Variants in TANGO6 observed in about 807,000 individuals in gnomAD.
The protein encoded by TANGO6 is transport and golgi organization 6 homolog.
A neutral mutation model predicts 114.2 loss-of-function variants in TANGO6; 90 were observed. The ratio of observed to expected loss-of-function variants is 0.79; its 90% CI spans 0.66 to 0.94. The LOEUF (loss-of-function observed/expected upper bound fraction) is 0.94, where lower values mean the gene tolerates loss of function less well. Among genes scored for constraint, TANGO6 ranks in the 40% least tolerant of loss-of-function variants. The pLI, the probability that TANGO6 is intolerant of heterozygous loss-of-function variation, is 0.00. For synonymous variants in TANGO6, 477 were observed against 509.8 expected (o/e 0.94, Z 0.87); for missense variants, 1,274 against 1,315.3 (o/e 0.97, Z 0.49).
intron 15 of TANGO6, among the ~76,000 whole-genome samples, chr16:68,988,202 A>G (rs962026668): frequency 6.6e-6 from 1 of 152,014 alleles, no homozygotes; most frequent in Non-Finnish European, 1.5e-5. Flanking sequence ...CATCCCCAAC[A>G]TTCCTTTATC....
At chr16:68,945,674 C>A (rs1217801442) in intron 14 of TANGO6, among the ~76,000 whole-genome samples, 1 of 150,928 alleles carries the variant, frequency 6.6e-6, no homozygotes, top group African/African-American at 2.4e-5. Flanking sequence ...AGAGAAGTGT[C>A]TATTCAGATT....
Position 69,083,712 on chromosome 16 carries a change from C to T in TANGO6, c.*51C>T, listed in dbSNP as rs377454356. 2.0e-5 allele frequency: 30 copies of T among 1,519,896 alleles called. No individual in the cohort carries two copies. Among genetic ancestry groups the T allele is most frequent in the East Asian group, 2.5e-5 (1 of 40,744 alleles). 94.2% of individuals were successfully genotyped at this position (1,519,896 alleles called of 1,614,324 possible). A position where few individuals can be genotyped will look rare whatever the true frequency, so the allele number is the denominator to read the frequency against. On this transcript the variant is annotated 3_prime_UTR_variant, in exon 18 of 18. Coordinates refer to ENST00000261778, the MANE Select transcript of TANGO6 (RefSeq NM_024562.2). The stretch of plus-strand genomic sequence containing the variant: ...GCAGGCAGGGCCAGGCACCCAGAGC[C>T]GTGCCCAGGTCTTCCAGCAGGTGGC...
intron 16 of TANGO6, among the ~76,000 whole-genome samples, chr16:69,029,658 G>A (rs532104633): frequency 5.3e-5 from 8 of 152,236 alleles, no homozygotes; most frequent in African/African-American, 7.2e-5. Flanking sequence ...CGGTGGGGCC[G>A]TTGCAGTGCT....
intron 16 of TANGO6, chr16:69,035,087 G>A (rs1050387148): frequency 6.6e-6 from 1 of 152,044 alleles, no homozygotes; most frequent in Non-Finnish European, 1.5e-5. Flanking sequence ...ACATACCTGA[G>A]CTTTGGGGGC....
intron 17 of TANGO6, among the ~76,000 whole-genome samples, chr16:69,049,164 T>C (rs992040212): frequency 6.6e-6 from 1 of 152,182 alleles, no homozygotes; most frequent in Non-Finnish European, 1.5e-5. Context: ...AGTGGTGCAA[T>C]GCTCATCAAT....
chr16:68,906,709 A>G (rs1393615236), intron 9 of TANGO6, among the ~76,000 whole-genome samples: 1 of 151,624 alleles, frequency 6.6e-6, no homozygotes. Flanking sequence ...TCAGCCTCCT[A>G]GTGCACTACA....
At chr16:69,050,734 C>T (rs1336074249) in intron 17 of TANGO6, among the ~76,000 whole-genome samples, 3 of 152,088 alleles carry the variant, frequency 2.0e-5, no homozygotes, top group Admixed American at 6.6e-5. Context: ...ATGATCCACA[C>T]ACCTCGGCCT....
intron 17 of TANGO6, among the ~76,000 whole-genome samples, chr16:69,054,226 A>T (rs540262179): frequency 6.6e-6 from 1 of 152,240 alleles, no homozygotes; most frequent in South Asian, 2.1e-4. Context: ...CTGTGTCTCT[A>T]TCTAATGTCT....
chr16:69,022,725 A>T, intron 15 of TANGO6, 103 bp from the exon 16 acceptor site: 4 of 1,299,388 alleles, frequency 3.1e-6, no homozygotes, highest in South Asian at 1.5e-5. Flanking sequence ...AAAAACAAAA[A>T]GAATAAGACA....
intron 14 of TANGO6, among the ~76,000 whole-genome samples, chr16:68,963,745 A>C (rs1257334436): frequency 6.6e-6 from 1 of 152,232 alleles, no homozygotes; most frequent in African/African-American, 2.4e-5. Flanking sequence ...AGCCTAGTGC[A>C]GTCGTCAGCC....
At chr16:68,857,151 C>T (rs898646302) in intron 1 of TANGO6, among the ~76,000 whole-genome samples, 3 of 152,026 alleles carry the variant, frequency 2.0e-5, no homozygotes, top group Non-Finnish European at 4.4e-5. Context: ...TCCACATATT[C>T]TTTCCTGCCC....
chr16:69,005,641 A>G (rs910830923), intron 15 of TANGO6, among the ~76,000 whole-genome samples: 2 of 152,178 alleles, frequency 1.3e-5, no homozygotes, highest in Non-Finnish European at 2.9e-5. Context: ...TCTACTAAAA[A>G]TACCAAAAAT....
chr16:68,932,338 G>A (rs770719905), intron 14 of TANGO6, among the ~76,000 whole-genome samples: 7 of 149,696 alleles, frequency 4.7e-5, no homozygotes, highest in Admixed American at 6.6e-5. Context: ...TGATCCACCC[G>A]CCTCGGCCTC....
chr16:68,977,322 T>C (rs1963774341), intron 15 of TANGO6, among the ~76,000 whole-genome samples: 1 of 151,878 alleles, frequency 6.6e-6, no homozygotes, highest in Non-Finnish European at 1.5e-5. Flanking sequence ...GTTTTTTTTT[T>C]TCTTTTCTGA....
intron 14 of TANGO6, among the ~76,000 whole-genome samples, chr16:68,970,553 G>C (rs1157969648): frequency 2.0e-5 from 3 of 151,614 alleles, no homozygotes; most frequent in Admixed American, 2.0e-4. Flanking sequence ...TGTAATCCCA[G>C]CTACTCAGGA....
At chr16:68,922,950 T>TTTG (rs1963116013) in intron 12 of TANGO6, among the ~76,000 whole-genome samples, 1 of 139,820 alleles carries the variant, frequency 7.2e-6, no homozygotes, top group African/African-American at 2.7e-5. Flanking sequence ...TTTTTTTTTT[T>TTTG]TTTTTTTTTT....
chr16:69,083,421 G>A, intron 17 of TANGO6, 64 bp from the exon 18 acceptor site: 1 of 1,522,404 alleles, frequency 6.6e-7, no homozygotes, highest in South Asian at 1.3e-5. Context: ...GGAGAGGGCA[G>A]TTCAGTCGTA....
intron 15 of TANGO6, among the ~76,000 whole-genome samples, chr16:69,002,935 G>A (rs553078983): frequency 1.3e-5 from 2 of 151,972 alleles, no homozygotes; most frequent in African/African-American, 4.8e-5. Flanking sequence ...CCAGCTACTC[G>A]GGAGGCTGAG....
chr16:68,916,098 C>T (rs999894544), intron 11 of TANGO6, among the ~76,000 whole-genome samples: 2 of 152,024 alleles, frequency 1.3e-5, no homozygotes, highest in African/African-American at 4.8e-5. Flanking sequence ...TAGTTGTTAG[C>T]CAAATGCTAT....
Sources: allele counts gnomAD v4.1 joint callset (sites outside exome capture counted in the v4.1 genomes callset), GRCh38; gene constraint gnomAD v4.1.1; transcripts MANE v1.5; gene names NCBI Gene and HGNC (gene_info 2026-07-23, HGNC 2026-07-21).